WDR7: variants seen among roughly 807,000 people sequenced by gnomAD.
WDR7 encodes the protein WD repeat domain 7.
In WDR7, 46 loss-of-function variants were observed where a neutral mutation model predicts 169.4. The observed-to-expected ratio is 0.27, with a 90% CI of 0.21 to 0.35. The LOEUF is 0.35. Among genes scored for constraint, WDR7 ranks in the 10% least tolerant of loss-of-function variants. The probability of loss-of-function intolerance (pLI) is 1.00; values close to 1 mark genes in which losing one functional copy is unlikely to be tolerated. For missense variants in WDR7, 1,534 were observed against 1,859.3 expected, an observed-to-expected ratio of 0.83 and a Z score of 3.22; for synonymous variants, 612 against 666.8, an observed-to-expected ratio of 0.92 and a Z score of 1.27.
At chr18:56,850,880 A>G (rs956779830) in intron 20 of WDR7, among the ~76,000 whole-genome samples, 10 of 152,036 alleles carry the variant, frequency 6.6e-5, no homozygotes, top group African/African-American at 2.4e-4. Flanking sequence ...CTAGGATACC[A>G]CCATTCACTG....
chr18:56,781,689 G>T (rs2044320603), intron 19 of WDR7, 33 bp downstream of exon 19: 2 of 1,521,118 alleles, frequency 1.3e-6, no homozygotes, highest in African/African-American at 1.4e-5. Context: ...ACAAAGCTTT[G>T]CAGGAATATG....
At chr18:56,890,000 A>C (rs901861428) in intron 21 of WDR7, among the ~76,000 whole-genome samples, 1 of 152,176 alleles carries the variant, frequency 6.6e-6, no homozygotes, top group African/African-American at 2.4e-5. Context: ...GGAAAAAGCC[A>C]CATTTATGTG....
At position 57,028,328 on chromosome 18, in the gene WDR7, A is replaced by G. The variant is rs80079157; in HGVS notation, c.*1121A>G. 3.9e-5 allele frequency: 6 copies of G among 152,360 alleles called. No individual in the cohort carries two copies. The highest frequency in any genetic ancestry group is 3.9e-4 in the East Asian group (2 of 5,190). The allele number at this position is 152,360 out of a possible 1,614,324, so 9.4% of individuals were successfully genotyped here. On this transcript the variant is annotated 3_prime_UTR_variant, in exon 28 of 28. Coordinates refer to ENST00000254442, the MANE Select transcript of WDR7 (RefSeq NM_015285.3). Reference sequence around the variant, plus strand: ...TCGATTTATTTGAGCAAACATTGCAATGAGGGTGTTCATTATGCTTCTAAG... The same window carrying G: ...TCGATTTATTTGAGCAAACATTGCAGTGAGGGTGTTCATTATGCTTCTAAG...
chr18:56,882,808 C>T (rs1382988689), intron 21 of WDR7, among the ~76,000 whole-genome samples: 1 of 152,214 alleles, frequency 6.6e-6, no homozygotes, highest in Non-Finnish European at 1.5e-5. Context: ...TTAAGTCTAA[C>T]ATATTTTGTG....
intron 21 of WDR7, among the ~76,000 whole-genome samples, 165 bp downstream of exon 21, chr18:56,880,330 C>G (rs565244361): frequency 6.6e-6 from 1 of 152,306 alleles, no homozygotes; most frequent in Admixed American, 6.5e-5. Flanking sequence ...GTTACAGTAA[C>G]CTGAACTCCT....
chr18:56,706,783 G>A (rs1304309797), intron 12 of WDR7, among the ~76,000 whole-genome samples: 2 of 149,706 alleles, frequency 1.3e-5, no homozygotes, highest in Non-Finnish European at 3.0e-5. Context: ...TGCCTCCCAG[G>A]TTCAAGTGAT....
chr18:57,011,922 T>A (rs747382241), intron 26 of WDR7, among the ~76,000 whole-genome samples: 7 of 152,242 alleles, frequency 4.6e-5, no homozygotes, highest in Non-Finnish European at 1.0e-4. Context: ...CTAATTATCC[T>A]TTACTTAAAA....
chr18:56,776,964 C>G, intron 17 of WDR7, 84 bp downstream of exon 17: 1 of 1,262,104 alleles, frequency 7.9e-7, no homozygotes, highest in Non-Finnish European at 1.2e-6. Context: ...GTTACACATT[C>G]ATCTGCTTTG....
In WDR7 at chr18:56,880,157, G is replaced by A. The variant is rs2046085265; in HGVS notation, c.3518G>A (p.Arg1173Lys). ...GGTGGATCCAACTACTCGCTGGCCA[G>A]ACATACTTGTAAGTTTTAAAACTTC... is the stretch of plus-strand genomic sequence containing the variant. Reference protein sequence around the residue: ...TSGGSNYSLARHTCKALTFLL... With the variant: ...TSGGSNYSLAKHTCKALTFLL... Residue 1173 changes from arginine to lysine, a missense_variant, in exon 21 of 28, where the codon AGA becomes AAA. Physicochemically the swap from Arg to Lys is conservative, Grantham distance 26. Transcript: ENST00000254442. 1 of 1,613,306 alleles carries A rather than the reference G, an allele frequency of 6.2e-7. No homozygotes were observed. Among genetic ancestry groups the A allele is most frequent in the Admixed American group, 1.7e-5 (1 of 59,910 alleles).
intron 26 of WDR7, among the ~76,000 whole-genome samples, chr18:56,979,899 G>T (rs1224174471): frequency 6.6e-6 from 1 of 152,148 alleles, no homozygotes; most frequent in East Asian, 1.9e-4. Context: ...AAAATACTAA[G>T]CATTTAGTTT....
chr18:56,708,707 G>A (rs2026016703), intron 12 of WDR7, among the ~76,000 whole-genome samples: 1 of 152,138 alleles, frequency 6.6e-6, no homozygotes, highest in South Asian at 2.1e-4. Context: ...GGCCAAGACA[G>A]GTGGATCACC....
At chr18:56,662,891 A>G (rs2024935525) in intron 1 of WDR7, among the ~76,000 whole-genome samples, 1 of 152,212 alleles carries the variant, frequency 6.6e-6, no homozygotes, top group Admixed American at 6.5e-5. Context: ...AACTAAAGAG[A>G]CATAACAGCT....
chr18:56,675,380 T>C (rs1428541830), intron 2 of WDR7, among the ~76,000 whole-genome samples: 1 of 152,146 alleles, frequency 6.6e-6, no homozygotes, highest in East Asian at 1.9e-4. Context: ...GATCTTTAGT[T>C]TTTTTTCAGC....
At chr18:56,691,490 TAA>T (rs908292486) in intron 8 of WDR7, 129 bp downstream of exon 8, 6 of 1,140,006 alleles carry the variant, frequency 5.3e-6, no homozygotes, top group African/African-American at 4.9e-5. Context: ...CAGAACTTCT[TAA>T]GTTAGATTTT....
intron 20 of WDR7, among the ~76,000 whole-genome samples, chr18:56,830,641 T>C (rs2045292558): frequency 2.6e-5 from 4 of 152,230 alleles, no homozygotes; most frequent in African/African-American, 9.6e-5. Context: ...CACTCAGATA[T>C]ATTTGTGTGG....
intron 21 of WDR7, among the ~76,000 whole-genome samples, chr18:56,904,780 CT>C (rs1005504483): frequency 6.6e-6 from 1 of 151,876 alleles, no homozygotes; most frequent in Non-Finnish European, 1.5e-5. Flanking sequence ...TCAATTAACC[CT>C]TTTTTTTGAG....
chr18:56,942,149 A>T (rs1197344183), intron 25 of WDR7, among the ~76,000 whole-genome samples: 1 of 152,196 alleles, frequency 6.6e-6, no homozygotes, highest in African/African-American at 2.4e-5. Context: ...AATAGAAGGC[A>T]TGGTGCGTTT....
At chr18:56,836,653 A>G (rs1454949080) in intron 20 of WDR7, among the ~76,000 whole-genome samples, 3 of 152,138 alleles carry the variant, frequency 2.0e-5, no homozygotes, top group African/African-American at 7.2e-5. Context: ...TCTATTTTCC[A>G]TAAAATTATC....
intron 20 of WDR7, among the ~76,000 whole-genome samples, chr18:56,827,333 T>C (rs550808052): frequency 6.6e-6 from 1 of 152,236 alleles, no homozygotes; most frequent in South Asian, 2.1e-4. Flanking sequence ...ATGTGGGACA[T>C]AATCACAATG....
Sources: allele counts gnomAD v4.1 joint callset (sites outside exome capture counted in the v4.1 genomes callset), GRCh38; gene constraint gnomAD v4.1.1; transcripts MANE v1.5; gene names NCBI Gene and HGNC (gene_info 2026-07-23, HGNC 2026-07-21).